Variants in MYO5A observed in about 807,000 individuals in gnomAD.
MYO5A encodes myosin VA, also known as unconventional myosin-Va.
Under a neutral mutation model 249.7 loss-of-function variants are expected in MYO5A, and 98 were observed. That is an observed-to-expected ratio of 0.39 (90% CI 0.33 to 0.46). MYO5A has a LOEUF of 0.46. Among genes scored for constraint, MYO5A ranks in the 20% least tolerant of loss-of-function variants. The probability of loss-of-function intolerance (pLI) is 0.98; values close to 1 mark genes in which losing one functional copy is unlikely to be tolerated. For synonymous variants in MYO5A, 778 were observed against 810.6 expected (o/e 0.96, Z 0.68); for missense variants, 1,696 against 2,308.8 (o/e 0.73, Z 5.44).
At chr15:52,487,210 G>T (rs1184748510) in intron 1 of MYO5A, among the ~76,000 whole-genome samples, 6 of 152,106 alleles carry the variant, frequency 3.9e-5, no homozygotes, top group Admixed American at 3.9e-4. Context: ...GAGTCCAGGA[G>T]TTCGAGACCA....
intron 4 of MYO5A, among the ~76,000 whole-genome samples, chr15:52,423,758 A>G (rs55722736): frequency 0.15 from 22,853 of 152,168 alleles, 1,822 homozygotes; most frequent in Middle Eastern, 0.22. Flanking sequence ...AAAGGAAAAA[A>G]GACAAAACAA....
intron 20 of MYO5A, among the ~76,000 whole-genome samples, chr15:52,373,038 T>C (rs1759511890): frequency 6.6e-6 from 1 of 152,162 alleles, no homozygotes; most frequent in African/African-American, 2.4e-5. Flanking sequence ...GATTTTCCAT[T>C]GCTATTTCAA....
intron 16 of MYO5A, among the ~76,000 whole-genome samples, chr15:52,381,132 T>C (rs1338938141): frequency 1.3e-5 from 2 of 152,144 alleles, no homozygotes; most frequent in African/African-American, 4.8e-5. Context: ...GTGACTCCCA[T>C]AGTTAAGTTC....
chr15:52,309,297 T>C lies in MYO5A; in HGVS notation c.*4399A>G, dbSNP rs1056006842. ...TCATGACAGAAGTCAAGCTGAGTTA[T>C]AGCAAGTAACTATGACAAAAAAGAA... On this transcript the variant is annotated 3_prime_UTR_variant, in exon 42 of 42. Transcript: ENST00000399233. The C allele has an allele frequency of 1.3e-5, 2 of 152,230 alleles. No individual in the cohort carries two copies. Among genetic ancestry groups the C allele is most frequent in the African/African-American group, 2.4e-5 (1 of 41,460 alleles). The allele number at this position is 152,230 out of a possible 1,614,324, so 9.4% of individuals were successfully genotyped here. A position where few individuals can be genotyped will look rare whatever the true frequency, so the allele number is the denominator to read the frequency against.
chr15:52,493,958 T>G (rs1314047180), intron 1 of MYO5A, among the ~76,000 whole-genome samples: 1 of 151,356 alleles, frequency 6.6e-6, no homozygotes, highest in African/African-American at 2.4e-5. Flanking sequence ...CATACAAGAG[T>G]AGAAAAAAAC....
chr15:52,379,789 GGATCCCTTA>G, intron 17 of MYO5A, 24 bp downstream of exon 17: 1 of 1,613,854 alleles, frequency 6.2e-7, no homozygotes, highest in East Asian at 2.2e-5. Context: ...TCTCCCATTA[GGATCCCTTA>G]CATCTGAAAA....
chr15:52,451,174 C>G lies in MYO5A; in HGVS notation c.28-17889G>C, dbSNP rs138123332. ...AAATATGTCCTTCCTGCAGCATTCC[C>G]ATCTCAGACAGGCACCTCTACGCAG... On this transcript the variant is annotated intron_variant, in intron 1 of 41. Coordinates refer to ENST00000399233, the MANE Select transcript of MYO5A (RefSeq NM_001382347.1). Among the ~76,000 whole-genome samples the G allele has an allele frequency of 4.5e-4, 68 of 152,214 alleles. 1 individual carries two copies. In the East Asian group the frequency reaches 7.1e-3, roughly 16 times the overall value.
At chr15:52,339,576 T>C (rs924603749) in intron 32 of MYO5A, among the ~76,000 whole-genome samples, 4 of 150,808 alleles carry the variant, frequency 2.7e-5, no homozygotes, top group African/African-American at 7.3e-5. Context: ...TCAGACTCCA[T>C]GCCAGGGTTT....
chr15:52,459,146 A>ATTTTTTT (rs199923318), intron 1 of MYO5A, among the ~76,000 whole-genome samples: 5 of 49,098 alleles, frequency 1.0e-4, no homozygotes, highest in South Asian at 7.8e-4. Context: ...ATTTTCCAGA[A>ATTTTTTT]ATTTTTTTTT....
At chr15:52,442,460 G>A (rs2075802577) in intron 1 of MYO5A, among the ~76,000 whole-genome samples, 1 of 152,210 alleles carries the variant, frequency 6.6e-6, no homozygotes, top group South Asian at 2.1e-4. Context: ...CAGCGTCACA[G>A]AAATGCTGCC....
intron 1 of MYO5A, among the ~76,000 whole-genome samples, chr15:52,499,075 C>A (rs1362082191): frequency 6.6e-6 from 1 of 152,220 alleles, no homozygotes; most frequent in Admixed American, 6.5e-5. Context: ...TGTGATGTGA[C>A]TGAAATTGCT....
Position 52,505,145 on chromosome 15 carries a change from G to A in MYO5A, c.27+23635C>T, listed in dbSNP as rs1039387055. On this transcript the variant is annotated intron_variant, in intron 1 of 41. Coordinates refer to ENST00000399233, the MANE Select transcript of MYO5A (RefSeq NM_001382347.1). ...CAATCTGTGGGCCACTTAATTCAGG[G>A]CCCTCAATTCGTACATGGAGAACTC... is the stretch of plus-strand genomic sequence containing the variant. 7.0e-6 allele frequency: 5 copies of A among 714,224 alleles called. No individual in the cohort carries two copies. In the African/African-American group the frequency reaches 7.1e-5, roughly 10 times the overall value. 44.2% of individuals were successfully genotyped at this position (714,224 alleles called of 1,614,324 possible).
rs1159563620 is a variant in MYO5A, at chr15:52,375,311, T to C, written c.2570A>G (p.Tyr857Cys). 1.2e-6 allele frequency: 2 copies of C among 1,614,140 alleles called. No individual in the cohort carries two copies. The highest frequency in any genetic ancestry group is 1.7e-6 in the Non-Finnish European group (2 of 1,179,978). ...TTGAAAATAATGCCTCACCTTGCGA[T>C]ACCTATTTCTGGCCAAGAAGCCTCG... ...YLRGFLARNR[Y>C]RKILREHKAV... The change falls in exon 20 of 42, where the codon TAT becomes TGT. Residue 857 changes from tyrosine to cysteine, a missense_variant. Physicochemically the swap from Tyr to Cys is radical, Grantham distance 194 (BLOSUM62 -2). Transcript: ENST00000399233.
intron 1 of MYO5A, among the ~76,000 whole-genome samples, chr15:52,447,149 A>G (rs1363830555): frequency 6.6e-6 from 1 of 152,206 alleles, no homozygotes; most frequent in Non-Finnish European, 1.5e-5. Context: ...ATCTTAAATT[A>G]TAATCCCTAA....
At chr15:52,364,852 A>G in intron 23 of MYO5A, 150 bp from the exon 24 acceptor site, 1 of 855,514 alleles carries the variant, frequency 1.2e-6, no homozygotes, top group Non-Finnish European at 1.8e-6. Flanking sequence ...AAATTTAGGA[A>G]AAGAAAAAAT....
At chr15:52,422,597 C>T (rs2075304027) in intron 4 of MYO5A, among the ~76,000 whole-genome samples, 1 of 152,210 alleles carries the variant, frequency 6.6e-6, no homozygotes, top group Admixed American at 6.5e-5. Flanking sequence ...CTACTTTTTA[C>T]CACCTCCACT....
rs950891124 is a variant in MYO5A at position 52,359,976 on chromosome 15, T to C, written c.3415A>G (p.Arg1139Gly). The change falls in exon 25 of 42, where the codon AGG (arginine) becomes GGG (glycine). Residue 1139 changes from arginine to glycine, a missense_variant. Arg to Gly is a moderately radical substitution (Grantham distance 125). Coordinates refer to ENST00000399233, the MANE Select transcript of MYO5A (RefSeq NM_001382347.1). The part of the protein sequence containing the change: ...EIAEMEDIPS[R>G]TEEPSEKKVP... ...AGATGTCTAAACTGTACCTCTGTCC[T>C]TGATGGAATGTCTTCCATTTCTGCA... 1 of 1,604,950 alleles carries C rather than the reference T, an allele frequency of 6.2e-7. No homozygotes were observed. Among genetic ancestry groups the C allele is most frequent in the African/African-American group, 1.3e-5 (1 of 74,754 alleles).
intron 9 of MYO5A, among the ~76,000 whole-genome samples, chr15:52,401,160 A>G (rs561169817): frequency 1.5e-4 from 21 of 144,200 alleles, no homozygotes; most frequent in Middle Eastern, 3.8e-3. Context: ...AACCTCCACC[A>G]CCCAGGTTCA....
chr15:52,496,746 C>T (rs1288743430), intron 1 of MYO5A, among the ~76,000 whole-genome samples: 2 of 152,144 alleles, frequency 1.3e-5, no homozygotes, highest in Non-Finnish European at 2.9e-5. Flanking sequence ...ATTGATGACT[C>T]AACACTGAGA....
Sources: allele counts gnomAD v4.1 joint callset (sites outside exome capture counted in the v4.1 genomes callset), GRCh38; gene constraint gnomAD v4.1.1; transcripts MANE v1.5; gene names NCBI Gene and HGNC (gene_info 2026-07-23, HGNC 2026-07-21).